The following BLM variants were observed in gnomAD, a reference collection of about 807,000 sequenced individuals.
The protein encoded by BLM is BLM RecQ like helicase, also known as recQ-like DNA helicase BLM.
Under a neutral mutation model 135.3 loss-of-function variants are expected in BLM, and 95 were observed. That is an observed-to-expected ratio of 0.70 (90% CI 0.59 to 0.83). The LOEUF is 0.83. BLM is among the 40% of genes least tolerant of loss of function. BLM has a pLI of 0.00. For missense variants in BLM, 1,518 were observed against 1,663.9 expected (o/e 0.91, Z 1.53); for synonymous variants, 520 against 589.2 (o/e 0.88, Z 1.70).
intron 5 of BLM, 143 bp downstream of exon 5, chr15:90,755,081 T>TAAACAAGGTTA: frequency 1.9e-6 from 2 of 1,073,368 alleles, no homozygotes; most frequent in Non-Finnish European, 2.6e-6. Flanking sequence ...TGTCATAACC[T>TAAACAAGGTTA]TGTTTACTGG....
rs3217055 is a variant in BLM at position 90,790,484 on chromosome 15, CATATT to C, written c.2824-163_2824-159del. On this transcript the variant is annotated intron_variant, in intron 14 of 21. Coordinates refer to ENST00000355112, the MANE Select transcript of BLM (RefSeq NM_000057.4). Reference sequence around the variant, plus strand: ...ATTGCAAGTTATCAGTATAAAAACTCATATTAGTTATACTAAATAGTTGGACCAAG... The same window carrying C: ...ATTGCAAGTTATCAGTATAAAAACTCAGTTATACTAAATAGTTGGACCAAG... 116,641 of 684,626 alleles carry C rather than the reference CATATT, an allele frequency of 0.17. 10,352 individuals are homozygous for C. Among genetic ancestry groups the C allele is most frequent in the Non-Finnish European group, 0.19 (77,841 of 402,638 alleles). The allele number at this position is 684,626 out of a possible 1,614,324, so 42.4% of individuals were successfully genotyped here. A position where few individuals can be genotyped will look rare whatever the true frequency, so the allele number is the denominator to read the frequency against.
At chr15:90,790,379 C>G (rs1475668725) in intron 14 of BLM, 3 of 463,448 alleles carry the variant, frequency 6.5e-6, no homozygotes, top group Non-Finnish European at 1.2e-5. Context: ...GATTCTGGCT[C>G]TCTTACATGA....
At position 90,743,417 on chromosome 15, in the gene BLM, C is replaced by T. The variant is rs140123101; in HGVS notation, c.-4-3972C>T. Among the ~76,000 whole-genome samples the T allele has an allele frequency of 2.9e-3, 440 of 152,212 alleles. 2 individuals are homozygous for T. The highest frequency in any genetic ancestry group is 0.024 in the Middle Eastern group (7 of 294). Reference sequence around the variant, plus strand: ...GGTTTATTTTTTTAGTTTCTGGTTGCTCATTGCACCCAGAAATTGTTCCTT... The same window carrying T: ...GGTTTATTTTTTTAGTTTCTGGTTGTTCATTGCACCCAGAAATTGTTCCTT... On this transcript the variant is annotated intron_variant, in intron 1 of 21. Coordinates refer to ENST00000355112, the MANE Select transcript of BLM (RefSeq NM_000057.4).
At chr15:90,722,476 A>T (rs1285460658) in intron 1 of BLM, among the ~76,000 whole-genome samples, 1 of 152,074 alleles carries the variant, frequency 6.6e-6, no homozygotes, top group East Asian at 1.9e-4. Flanking sequence ...AATCCCAGCT[A>T]CTTGTGAAGC....
chr15:90,782,324 G>A (rs1596249839), intron 12 of BLM, among the ~76,000 whole-genome samples: 2 of 152,072 alleles, frequency 1.3e-5, no homozygotes, highest in East Asian at 3.9e-4. Context: ...GCAGGCAGAG[G>A]TTGTAGTGAG....
chr15:90,749,312 T>C, intron 2 of BLM, 55 bp from the exon 3 acceptor site: 1 of 1,346,420 alleles, frequency 7.4e-7, no homozygotes, highest in Non-Finnish European at 1.0e-6. Context: ...TTTTGTAGAG[T>C]TGGGGGGTTT....
chr15:90,805,823 A>T (rs959342329), intron 19 of BLM, among the ~76,000 whole-genome samples: 3 of 151,404 alleles, frequency 2.0e-5, no homozygotes, highest in African/African-American at 7.3e-5. Context: ...GAGCCACCGC[A>T]TCCGGCCGGA....
intron 21 of BLM, among the ~76,000 whole-genome samples, 183 bp from the exon 22 acceptor site, chr15:90,814,919 G>A (rs531989544): frequency 8.5e-5 from 13 of 152,242 alleles, no homozygotes; most frequent in Non-Finnish European, 1.5e-4. Flanking sequence ...ATGAAGGGCC[G>A]CGGTCCTTTA....
intron 21 of BLM, among the ~76,000 whole-genome samples, chr15:90,813,328 G>A (rs1567067924): frequency 2.0e-5 from 3 of 152,248 alleles, no homozygotes; most frequent in African/African-American, 4.8e-5. Flanking sequence ...ATAAGAAGCA[G>A]TAAAGCTCAC....
At chr15:90,770,419 G>A (rs546868347) in intron 12 of BLM, among the ~76,000 whole-genome samples, 20 of 152,138 alleles carry the variant, frequency 1.3e-4, no homozygotes, top group East Asian at 3.9e-4. Context: ...CTCGTGATCC[G>A]CCCGCCTTGG....
chr15:90,743,859 T>A (rs1895433306), intron 1 of BLM, among the ~76,000 whole-genome samples: 1 of 152,196 alleles, frequency 6.6e-6, no homozygotes. Context: ...AGAATATGAT[T>A]CTGGCTGGAG....
rs1449845656 is a variant in BLM, at chr15:90,811,335, G to A, written c.4005G>A (p.Lys1335=). 3.1e-6 allele frequency: 5 copies of A among 1,614,082 alleles called. No individual in the cohort carries two copies. The highest frequency in any genetic ancestry group is 2.2e-5 in the South Asian group (2 of 91,078). Reference sequence around the variant, plus strand: ...CAAGTAAAACCAGAAATGAAAGGAAGAGGAAAAAGATGCCAGCCTCCCAAA... The same window carrying A: ...CAAGTAAAACCAGAAATGAAAGGAAAAGGAAAAAGATGCCAGCCTCCCAAA... ...YFASKTRNER[K]RKKMPASQRS... Residue 1335 remains lysine (K), a synonymous_variant, in exon 21 of 22, where the codon AAG becomes AAA. Transcript: ENST00000355112.
At chr15:90,720,217 C>T (rs1894729143) in intron 1 of BLM, among the ~76,000 whole-genome samples, 1 of 152,154 alleles carries the variant, frequency 6.6e-6, no homozygotes, top group Non-Finnish European at 1.5e-5. Context: ...TCTTTCCCAT[C>T]TCTGTACTTC....
In BLM at chr15:90,750,072, C is replaced by A; in HGVS notation, c.799+5C>A. The A allele has an allele frequency of 1.6e-5, 25 of 1,612,470 alleles. No homozygotes were observed. Among genetic ancestry groups the A allele is most frequent in the Non-Finnish European group, 2.1e-5 (25 of 1,178,760 alleles). ...CTCATTTGGAAGATGAAAGAGGTAA[C>A]AATTATTTTATCTTCATTTTAGTAT... On this transcript the variant is annotated splice_donor_5th_base_variant and intron_variant, in intron 3 of 21. Coordinates refer to ENST00000355112, the MANE Select transcript of BLM (RefSeq NM_000057.4).
chr15:90,792,677 C>G, intron 15 of BLM, among the ~76,000 whole-genome samples: 1 of 152,084 alleles, frequency 6.6e-6, no homozygotes, highest in East Asian at 1.9e-4. Context: ...TTAGCCCTTC[C>G]TATGTGCCAT....
intron 14 of BLM, among the ~76,000 whole-genome samples, chr15:90,789,634 T>C (rs1896847007): frequency 6.6e-6 from 1 of 152,232 alleles, no homozygotes; most frequent in East Asian, 1.9e-4. Flanking sequence ...TGTTGATAAA[T>C]GTACCCCTTT....
At chr15:90,766,070 C>G (rs1402395642) in intron 9 of BLM, among the ~76,000 whole-genome samples, 1 of 152,162 alleles carries the variant, frequency 6.6e-6, no homozygotes, top group Admixed American at 6.5e-5. Flanking sequence ...GATCATGCCA[C>G]TACAATCTAG....
At chr15:90,776,256 G>T (rs541165185) in intron 12 of BLM, among the ~76,000 whole-genome samples, 1 of 152,160 alleles carries the variant, frequency 6.6e-6, no homozygotes, top group South Asian at 2.1e-4. Flanking sequence ...CAAAGAATTG[G>T]AAACTCTCTG....
intron 13 of BLM, among the ~76,000 whole-genome samples, chr15:90,783,697 C>T (rs1896672190): frequency 6.6e-6 from 1 of 152,136 alleles, no homozygotes; most frequent in South Asian, 2.1e-4. Context: ...GTCAGGATTT[C>T]AAGACCAGCC....
Sources: allele counts gnomAD v4.1 joint callset (sites outside exome capture counted in the v4.1 genomes callset), GRCh38; gene constraint gnomAD v4.1.1; transcripts MANE v1.5; gene names NCBI Gene and HGNC (gene_info 2026-07-23, HGNC 2026-07-21).